Variants in EPHA3 observed in about 807,000 individuals in gnomAD.
EPHA3 encodes the protein EPH receptor A3, also known as ephrin type-A receptor 3.
Under a neutral mutation model 107.1 loss-of-function variants are expected in EPHA3, and 42 were observed. That is an observed-to-expected ratio of 0.39 (90% CI 0.31 to 0.51). The LOEUF (loss-of-function observed/expected upper bound fraction) is 0.51, where lower values mean the gene tolerates loss of function less well. EPHA3 is among the 20% of genes least tolerant of loss of function. The pLI, the probability that EPHA3 is intolerant of heterozygous loss-of-function variation, is 0.78. For missense variants in EPHA3, 1,183 were observed against 1,211.2 expected (o/e 0.98, Z 0.35); for synonymous variants, 461 against 424.8 (o/e 1.09, Z -1.05).
At chr3:89,180,736 TA>T (rs560289905) in intron 2 of EPHA3, among the ~76,000 whole-genome samples, 62 of 151,952 alleles carry the variant, frequency 4.1e-4, no homozygotes, top group Non-Finnish European at 8.0e-4. Flanking sequence ...CGTTATTTTT[TA>T]AGGAAAAAAA....
At chr3:89,428,362 A>G (rs550200768) in intron 11 of EPHA3, among the ~76,000 whole-genome samples, 14 of 152,158 alleles carry the variant, frequency 9.2e-5, no homozygotes, top group South Asian at 2.1e-4. Context: ...AATTAATTAC[A>G]CCAGCATCAT....
chr3:89,113,140 T>C (rs1707154469), intron 1 of EPHA3, among the ~76,000 whole-genome samples: 1 of 152,154 alleles, frequency 6.6e-6, no homozygotes, highest in Non-Finnish European at 1.5e-5. Context: ...GAAACATTCA[T>C]TATATTATTC....
intron 2 of EPHA3, among the ~76,000 whole-genome samples, chr3:89,193,300 G>C (rs1189946593): frequency 6.6e-6 from 1 of 151,960 alleles, no homozygotes; most frequent in African/African-American, 2.4e-5. Context: ...TCAAAATATT[G>C]CTCTGATAAG....
At chr3:89,221,723 T>G (rs371585074) in intron 3 of EPHA3, among the ~76,000 whole-genome samples, 2 of 152,118 alleles carry the variant, frequency 1.3e-5, no homozygotes, top group African/African-American at 4.8e-5. Flanking sequence ...CTAAGAAAAT[T>G]TACTAATTTG....
chr3:89,435,020 T>C (rs1709638368), intron 13 of EPHA3, among the ~76,000 whole-genome samples: 1 of 152,074 alleles, frequency 6.6e-6, no homozygotes, highest in South Asian at 2.1e-4. Flanking sequence ...CCTTATTGAG[T>C]ACAATAAGTT....
chr3:89,357,810 A>G (rs1010827010), intron 5 of EPHA3, among the ~76,000 whole-genome samples: 6 of 151,274 alleles, frequency 4.0e-5, no homozygotes, highest in African/African-American at 1.5e-4. Flanking sequence ...TTGAATTGAT[A>G]TAGTAAAAAA....
intron 15 of EPHA3, among the ~76,000 whole-genome samples, chr3:89,457,921 G>T: frequency 1.3e-5 from 2 of 152,332 alleles, no homozygotes; most frequent in East Asian, 3.9e-4. Flanking sequence ...ACTGAGATGT[G>T]CAGAGTGACA....
At position 89,368,741 on chromosome 3, in the gene EPHA3, G is replaced by A. The variant is rs4298060; in HGVS notation, c.1306+26651G>A. On this transcript the variant is annotated intron_variant, in intron 5 of 16. Coordinates refer to ENST00000336596, the MANE Select transcript of EPHA3 (RefSeq NM_005233.6). ...ATGATGCCCACCCACCTTAGTGAGGGTAGATCTTCTTTACTCAATCCATCT... is the reference window on the plus strand; with the variant it reads ...ATGATGCCCACCCACCTTAGTGAGGATAGATCTTCTTTACTCAATCCATCT... 4.0e-3 allele frequency among the ~76,000 whole-genome samples: 599 copies of A among 150,104 alleles called. 21 individuals are homozygous for A. Among genetic ancestry groups the A allele is most frequent in the Admixed American group, 0.028 (418 of 14,908 alleles).
intron 2 of EPHA3, among the ~76,000 whole-genome samples, chr3:89,199,586 T>C (rs1705922119): frequency 2.0e-5 from 3 of 152,166 alleles, no homozygotes; most frequent in South Asian, 4.1e-4. Context: ...TTGAATACTT[T>C]TAATAATTTT....
intron 13 of EPHA3, among the ~76,000 whole-genome samples, chr3:89,441,150 C>G (rs986012481): frequency 1.3e-5 from 2 of 152,156 alleles, no homozygotes; most frequent in Non-Finnish European, 2.9e-5. Flanking sequence ...AACCAAGACT[C>G]CTGATTCTTA....
rs2107553226 is a variant in EPHA3, at chr3:89,449,233, G to A, written c.2355G>A (p.Lys785=). 6.2e-7 allele frequency: 1 copy of A among 1,603,616 alleles called. No homozygotes were observed. The highest frequency in any genetic ancestry group is 1.1e-5 in the South Asian group (1 of 89,746). ...TGATTTTATATTCAAAGGGAGGGAA[G>A]ATCCCAATCAGGTGGACATCACCAG... ...PEAAYTTRGG[K]IPIRWTSPEA... is the part of the protein sequence containing the mutation. The change falls in exon 14 of 17, where the codon AAG becomes AAA. Residue 785 remains lysine, a synonymous_variant. Coordinates refer to ENST00000336596, the MANE Select transcript of EPHA3 (RefSeq NM_005233.6).
In EPHA3 at chr3:89,264,694, TC is replaced by T. The variant is rs369363876; in HGVS notation, c.814+54178del. 9.3e-4 allele frequency among the ~76,000 whole-genome samples: 142 copies of T among 152,210 alleles called. 1 individual carries two copies. The East Asian group carries it at 0.02, about 22-fold the overall frequency. On this transcript the variant is annotated intron_variant, in intron 3 of 16. Transcript: ENST00000336596. Reference sequence around the variant, plus strand: ...AGCATATGTCTTATTTGCTGTTACATCCCCAAAGCATAGGTCTATGCTTGCC... The same window carrying T: ...AGCATATGTCTTATTTGCTGTTACATCCCAAAGCATAGGTCTATGCTTGCC...
Position 89,134,743 on chromosome 3 carries a change from A to G in EPHA3, c.153+7470A>G, listed in dbSNP as rs1576173798. ...CCTGTGCAAAATTTCTTGAACCACC[A>G]CTGCACTGGACCTTCATTAGCAGTT... On this transcript the variant is annotated intron_variant, in intron 2 of 16. Transcript: ENST00000336596. Among the ~76,000 whole-genome samples, 8 of 152,238 alleles carry G rather than the reference A, an allele frequency of 5.3e-5. No homozygotes were observed. In the South Asian group the frequency reaches 1.7e-3, roughly 32 times the overall value.
chr3:89,366,735 A>G (rs191212697), intron 5 of EPHA3, among the ~76,000 whole-genome samples: 2 of 150,782 alleles, frequency 1.3e-5, no homozygotes, highest in East Asian at 3.9e-4. Flanking sequence ...TCATTTATGA[A>G]ATCTTACTCT....
intron 3 of EPHA3, among the ~76,000 whole-genome samples, chr3:89,236,737 A>G (rs942912859): frequency 4.6e-5 from 7 of 152,198 alleles, no homozygotes; most frequent in Non-Finnish European, 7.3e-5. Flanking sequence ...ATAATTGAAA[A>G]AAAAGAGTAA....
In EPHA3 at chr3:89,429,187, A is replaced by T; in HGVS notation, c.2136+20A>T. 3 of 1,571,514 alleles carry T rather than the reference A, an allele frequency of 1.9e-6. No homozygotes were observed. In the South Asian group the frequency reaches 3.3e-5, roughly 18 times the overall value. On this transcript the variant is annotated intron_variant, in intron 12 of 16. Transcript: ENST00000336596. Reference sequence around the variant, plus strand: ...CTACGTGTAAGTAAGATGCACACACATACATATATATGAATAAATTGCTGA... The same window carrying T: ...CTACGTGTAAGTAAGATGCACACACTTACATATATATGAATAAATTGCTGA...
chr3:89,295,887 A>G (rs1243989799), intron 3 of EPHA3, among the ~76,000 whole-genome samples: 1 of 151,714 alleles, frequency 6.6e-6, no homozygotes, highest in Non-Finnish European at 1.5e-5. Flanking sequence ...ACCACACCCG[A>G]CCTCTTTGTT....
chr3:89,346,678 A>G (rs969821571), intron 5 of EPHA3, among the ~76,000 whole-genome samples: 1 of 151,002 alleles, frequency 6.6e-6, no homozygotes, highest in African/African-American at 2.4e-5. Context: ...GTGTTTAGAC[A>G]TGAAGTCCTT....
chr3:89,319,815 G>A (rs1354642503), intron 3 of EPHA3, among the ~76,000 whole-genome samples: 1 of 151,866 alleles, frequency 6.6e-6, no homozygotes, highest in African/African-American at 2.4e-5. Flanking sequence ...ATTATTAGTG[G>A]TTTTCAGTAG....
Sources: gnomAD v4.1 joint callset for allele counts (sites outside exome capture counted in the v4.1 genomes callset) on GRCh38, gnomAD v4.1.1 for gene constraint, MANE v1.5 for transcripts, NCBI Gene and HGNC (gene_info 2026-07-23, HGNC 2026-07-21) for gene names.